DCC: variants seen among roughly 807,000 people sequenced by gnomAD.
DCC encodes netrin receptor DCC.
In DCC, 58 loss-of-function variants were observed where a neutral mutation model predicts 172.5. The ratio of observed to expected loss-of-function variants is 0.34; its 90% CI spans 0.27 to 0.42. The LOEUF (loss-of-function observed/expected upper bound fraction) is 0.42. Among genes scored for constraint, DCC ranks in the 10% least tolerant of loss-of-function variants. DCC has a pLI of 1.00. For missense variants in DCC, 1,740 were observed against 1,791.0 expected, an observed-to-expected ratio of 0.97 and a Z score of 0.51; for synonymous variants, 709 against 644.5, an observed-to-expected ratio of 1.10 and a Z score of -1.52.
chr18:53,206,860 G>A (rs1457902270), intron 10 of DCC, among the ~76,000 whole-genome samples: 1 of 151,372 alleles, frequency 6.6e-6, no homozygotes, highest in Non-Finnish European at 1.5e-5. Context: ...TAAACTGCAT[G>A]ATCAGAATTT....
chr18:52,793,311 C>G (rs1342187621), intron 2 of DCC, among the ~76,000 whole-genome samples: 1 of 152,170 alleles, frequency 6.6e-6, no homozygotes, highest in African/African-American at 2.4e-5. Flanking sequence ...AGTCCTAGTT[C>G]CTGCTGGCAT....
At chr18:52,825,104 G>C (rs535215695) in intron 2 of DCC, among the ~76,000 whole-genome samples, 4 of 152,240 alleles carry the variant, frequency 2.6e-5, no homozygotes, top group South Asian at 2.1e-4. Flanking sequence ...CAAGCTCTCT[G>C]TCTCCATTTA....
chr18:53,403,030 T>TTG, intron 19 of DCC, 137 bp downstream of exon 19: 1 of 704,568 alleles, frequency 1.4e-6, no homozygotes, highest in Non-Finnish European at 2.6e-6. Context: ...CCCTTTTTGA[T>TTG]TGTTTCTTCT....
intron 12 of DCC, among the ~76,000 whole-genome samples, chr18:53,256,964 C>T (rs1036306310): frequency 1.1e-4 from 16 of 152,150 alleles, no homozygotes; most frequent in Admixed American, 2.6e-4. Context: ...ATTTTATTCT[C>T]TTTGAAGCAA....
intron 5 of DCC, among the ~76,000 whole-genome samples, chr18:53,053,105 T>C (rs1028798186): frequency 3.9e-5 from 6 of 152,066 alleles, no homozygotes; most frequent in African/African-American, 1.4e-4. Flanking sequence ...ATCGAACCAC[T>C]GCACTCCAGC....
At position 53,270,147 on chromosome 18, in the gene DCC, C is replaced by A. The variant is rs373392377; in HGVS notation, c.1912-35431C>A. Reference sequence around the variant, plus strand: ...GGTAGAAAAGCAAGAGAGGTAGGAACAAAATTCTGAGTTTTTATTTTTCCA... The same window carrying A: ...GGTAGAAAAGCAAGAGAGGTAGGAAAAAAATTCTGAGTTTTTATTTTTCCA... On this transcript the variant is annotated intron_variant, in intron 12 of 28. Coordinates refer to ENST00000442544, the MANE Select transcript of DCC (RefSeq NM_005215.4). Among the ~76,000 whole-genome samples the A allele has an allele frequency of 1.5e-4, 23 of 152,172 alleles. No homozygotes were observed. In the East Asian group the frequency reaches 2.7e-3, roughly 18 times the overall value.
Position 53,157,502 on chromosome 18 carries a change from G to C in DCC, c.1408G>C (p.Gly470Arg), listed in dbSNP as rs201999463. ...QTFTVFFSRE[G>R]DNRERALNTT... is the part of the protein sequence containing the mutation. ...TTTCACGGTCTTTTTCTCCAGAGAA[G>C]GTGACAACAGGTAGGTGATGCTACC... is the stretch of plus-strand genomic sequence containing the variant. The change falls in exon 8 of 29, where the codon GGT becomes CGT. Residue 470 changes from glycine to arginine, a missense_variant. Physicochemically the swap from Gly to Arg is moderately radical, Grantham distance 125. This residue lies in a region of DCC where 1,732 missense variants were observed against 1,767.4 expected (regional missense o/e 0.98). Coordinates refer to ENST00000442544, the MANE Select transcript of DCC (RefSeq NM_005215.4). 5.0e-6 allele frequency: 8 copies of C among 1,614,062 alleles called. No individual in the cohort carries two copies. In the East Asian group the frequency reaches 1.8e-4, roughly 36 times the overall value.
intron 2 of DCC, among the ~76,000 whole-genome samples, chr18:52,803,247 A>G (rs770884466): frequency 1.1e-4 from 16 of 152,206 alleles, no homozygotes; most frequent in Non-Finnish European, 1.3e-4. Flanking sequence ...GAACTGCAAG[A>G]GATCACTTTT....
At chr18:52,893,912 A>AC (rs955980399) in intron 2 of DCC, among the ~76,000 whole-genome samples, 6 of 151,966 alleles carry the variant, frequency 3.9e-5, no homozygotes, top group Admixed American at 2.0e-4. Context: ...CAATTTAAAA[A>AC]AAACAGTATC....
chr18:53,239,789 A>G (rs2056260452), intron 12 of DCC, among the ~76,000 whole-genome samples: 1 of 152,112 alleles, frequency 6.6e-6, no homozygotes, highest in Non-Finnish European at 1.5e-5. Context: ...GATATACAGT[A>G]TTTTACATGG....
intron 15 of DCC, among the ~76,000 whole-genome samples, chr18:53,366,872 C>T (rs1385612706): frequency 1.3e-5 from 2 of 152,132 alleles, no homozygotes; most frequent in African/African-American, 2.4e-5. Context: ...AGGGTCCTTC[C>T]CTGTTATTGC....
intron 7 of DCC, among the ~76,000 whole-genome samples, chr18:53,118,488 G>A (rs762361756): frequency 2.6e-5 from 4 of 151,680 alleles, no homozygotes; most frequent in African/African-American, 9.7e-5. Flanking sequence ...TTTCACTGAC[G>A]ATTGCCCTTG....
intron 7 of DCC, among the ~76,000 whole-genome samples, chr18:53,124,655 G>T (rs1404480977): frequency 2.0e-5 from 3 of 151,978 alleles, no homozygotes; most frequent in Non-Finnish European, 4.4e-5. Flanking sequence ...TATTCAATCA[G>T]ATCTTCTTGC....
At chr18:53,511,511 C>A (rs2046251849) in intron 27 of DCC, among the ~76,000 whole-genome samples, 1 of 152,226 alleles carries the variant, frequency 6.6e-6, no homozygotes, top group South Asian at 2.1e-4. Flanking sequence ...GTGAGAGACG[C>A]AGAAGACGGG....
At chr18:52,693,013 C>T (rs1310606158) in intron 1 of DCC, among the ~76,000 whole-genome samples, 4 of 152,190 alleles carry the variant, frequency 2.6e-5, no homozygotes, top group East Asian at 1.9e-4. Context: ...ACCTTGTTCA[C>T]GTGACTTTCC....
chr18:52,363,617 G>A (rs1051737750), intron 1 of DCC, among the ~76,000 whole-genome samples: 3 of 152,128 alleles, frequency 2.0e-5, no homozygotes, highest in Non-Finnish European at 2.9e-5. Context: ...ATAAGAAAGG[G>A]CACAAGGCCA....
chr18:53,446,637 T>A (rs1912628795), intron 22 of DCC, among the ~76,000 whole-genome samples: 1 of 152,208 alleles, frequency 6.6e-6, no homozygotes, highest in Admixed American at 6.5e-5. Context: ...ACCTGCATGC[T>A]AAAATTTATT....
chr18:53,391,600 C>T (rs1350655046), intron 16 of DCC, 55 bp from the exon 17 acceptor site: 131 of 1,150,846 alleles, frequency 1.1e-4, no homozygotes, highest in South Asian at 1.0e-3. Context: ...TATTTTTTAA[C>T]GCTTTTATTT....
chr18:52,421,443 G>A (rs1320972486), intron 1 of DCC, among the ~76,000 whole-genome samples: 1 of 152,136 alleles, frequency 6.6e-6, no homozygotes, highest in Non-Finnish European at 1.5e-5. Context: ...ATTCAAATGT[G>A]AGAACAGCAG....
Sources: allele counts gnomAD v4.1 joint callset (sites outside exome capture counted in the v4.1 genomes callset), GRCh38; gene constraint gnomAD v4.1.1; regional missense constraint gnomAD v4.1.1; transcripts MANE v1.5; gene names NCBI Gene and HGNC (gene_info 2026-07-23, HGNC 2026-07-21).